The following KALRN variants were observed in gnomAD, a reference collection of about 807,000 sequenced individuals.
KALRN encodes the protein kalirin.
Under a neutral mutation model 353.7 loss-of-function variants are expected in KALRN, and 70 were observed. The ratio of observed to expected loss-of-function variants is 0.20; its 90% CI spans 0.16 to 0.24. The LOEUF (loss-of-function observed/expected upper bound fraction) is 0.24, where lower values mean the gene tolerates loss of function less well. Ranked by LOEUF, KALRN falls within the 10% of genes least tolerant of loss-of-function variation. The pLI is 1.00. For synonymous variants in KALRN, 1,391 were observed against 1,434.8 expected (o/e 0.97, Z 0.69); for missense variants, 2,791 against 3,756.7 (o/e 0.74, Z 6.72).
intron 1 of KALRN, among the ~76,000 whole-genome samples, chr3:124,086,309 TTGTGTGTGTGTG>T (rs59443298): frequency 9.9e-4 from 140 of 141,860 alleles, no homozygotes; most frequent in African/African-American, 3.1e-3. Context: ...GGTTGTTTTG[TTGTGTGTGTGTG>T]TGTGTGTGTG....
intron 5 of KALRN, among the ~76,000 whole-genome samples, chr3:124,277,698 A>G (rs1391932658): frequency 6.6e-6 from 1 of 152,116 alleles, no homozygotes; most frequent in Non-Finnish European, 1.5e-5. Context: ...GTGGGTGTGG[A>G]GAACAGAATG....
chr3:124,065,741 A>G (rs1462443222), intron 1 of KALRN, among the ~76,000 whole-genome samples: 2 of 152,044 alleles, frequency 1.3e-5, no homozygotes, highest in Non-Finnish European at 2.9e-5. Context: ...TTAAAATGAG[A>G]TGAGATAATA....
intron 1 of KALRN, among the ~76,000 whole-genome samples, chr3:124,179,321 T>C (rs1040102274): frequency 2.0e-5 from 3 of 152,068 alleles, no homozygotes; most frequent in African/African-American, 7.2e-5. Context: ...TACACAAACA[T>C]ATTAGCCTAG....
chr3:124,348,081 G>A (rs1035160583), intron 10 of KALRN, among the ~76,000 whole-genome samples: 12 of 152,072 alleles, frequency 7.9e-5, no homozygotes, highest in Admixed American at 1.3e-4. Context: ...TTTCATTTTC[G>A]AGATGAAATA....
intron 5 of KALRN, among the ~76,000 whole-genome samples, chr3:124,280,692 A>G (rs1560448188): frequency 6.6e-6 from 1 of 152,196 alleles, no homozygotes; most frequent in Non-Finnish European, 1.5e-5. Flanking sequence ...TTGCCCACCC[A>G]GAGAATGATG....
intron 33 of KALRN, among the ~76,000 whole-genome samples, chr3:124,535,466 T>G (rs938433738): frequency 2.6e-5 from 4 of 152,234 alleles, no homozygotes; most frequent in African/African-American, 9.6e-5. Context: ...TTCAGTCTGC[T>G]TCAATCTGTC....
chr3:124,472,573 A>ATGTGTG (rs1257799609), intron 25 of KALRN, among the ~76,000 whole-genome samples: 1 of 97,362 alleles, frequency 1.0e-5, no homozygotes, highest in Non-Finnish European at 2.1e-5. Context: ...GTGTGTGTGT[A>ATGTGTG]TATGTGTGTG....
chr3:124,286,130 T>TCTTTCTTTC, intron 5 of KALRN, among the ~76,000 whole-genome samples: 1 of 149,412 alleles, frequency 6.7e-6, no homozygotes, highest in South Asian at 2.1e-4. Context: ...TTTCTTTCTT[T>TCTTTCTTTC]CTTTCTTTCC....
chr3:124,603,109 G>A (rs2076981637), intron 34 of KALRN, among the ~76,000 whole-genome samples: 1 of 152,130 alleles, frequency 6.6e-6, no homozygotes, highest in South Asian at 2.1e-4. Context: ...TAAACCCTCT[G>A]CCGCCAAAGC....
chr3:124,574,857 G>A (rs1210337804), intron 34 of KALRN, among the ~76,000 whole-genome samples: 1 of 152,220 alleles, frequency 6.6e-6, no homozygotes, highest in Non-Finnish European at 1.5e-5. Flanking sequence ...GGACCTCAAA[G>A]GCCTTGAGGA....
chr3:124,603,696 T>A (rs2077039693), intron 34 of KALRN, among the ~76,000 whole-genome samples: 2 of 152,184 alleles, frequency 1.3e-5, no homozygotes, highest in African/African-American at 2.4e-5. Context: ...AAAATGTGTG[T>A]CCTTGCTTTG....
intron 1 of KALRN, among the ~76,000 whole-genome samples, chr3:124,102,505 A>C (rs2061959336): frequency 6.6e-6 from 1 of 152,178 alleles, no homozygotes; most frequent in Non-Finnish European, 1.5e-5. Context: ...TCTGTAATTC[A>C]CAATGTGCTC....
chr3:124,247,016 C>T (rs965617889), intron 3 of KALRN, among the ~76,000 whole-genome samples: 4 of 152,120 alleles, frequency 2.6e-5, no homozygotes, highest in Non-Finnish European at 4.4e-5. Context: ...TTCTATTTCT[C>T]TCTTTACTTA....
At chr3:124,358,138 C>A (rs2083623860) in intron 10 of KALRN, among the ~76,000 whole-genome samples, 1 of 152,122 alleles carries the variant, frequency 6.6e-6, no homozygotes, top group Admixed American at 6.5e-5. Context: ...TCTTTTGAGT[C>A]AAATTTTGAG....
chr3:124,671,707 G>A lies in KALRN; in HGVS notation c.6751G>A (p.Val2251Met). Residue 2251 changes from valine to methionine, a missense_variant, in exon 48 of 60, where the codon GTG becomes ATG. Around this residue, in one of 11 missense-constraint regions of KALRN, gnomAD observed 1,065 missense variants for 1,156.4 expected, o/e 0.92. Transcript: ENST00000682506. ...TCAACGGAAAGAAAGGAGCACAGCT[G>A]TGATGAGGTCTCAACCTGCCAGGCT... ...EYQRKERSTA[V>M]MRSQPARLPQ... The A allele has an allele frequency of 6.2e-7, 1 of 1,614,144 alleles. No homozygotes were observed. The highest frequency in any genetic ancestry group is 8.5e-7 in the Non-Finnish European group (1 of 1,180,008).
At chr3:124,106,988 A>C (rs921599418) in intron 1 of KALRN, among the ~76,000 whole-genome samples, 12 of 152,154 alleles carry the variant, frequency 7.9e-5, no homozygotes. Context: ...TATCACTATG[A>C]AAAATAAGCT....
intron 1 of KALRN, among the ~76,000 whole-genome samples, chr3:124,171,489 G>A (rs1395298296): frequency 6.6e-6 from 1 of 152,172 alleles, no homozygotes; most frequent in Non-Finnish European, 1.5e-5. Flanking sequence ...GAACGAGAGC[G>A]GAAGCTGCAA....
chr3:124,575,391 G>A (rs1027213334), intron 34 of KALRN, among the ~76,000 whole-genome samples: 8 of 152,210 alleles, frequency 5.3e-5, no homozygotes, highest in African/African-American at 1.9e-4. Context: ...AGTGTCTCCT[G>A]TCTCATTTCC....
chr3:124,257,711 G>A (rs2072233510), intron 3 of KALRN, among the ~76,000 whole-genome samples: 1 of 152,228 alleles, frequency 6.6e-6, no homozygotes, highest in Admixed American at 6.5e-5. Flanking sequence ...ATAGGGCAGG[G>A]TGAGCACAGG....
Sources: allele counts gnomAD v4.1 joint callset (sites outside exome capture counted in the v4.1 genomes callset), GRCh38; gene constraint gnomAD v4.1.1; regional missense constraint gnomAD v4.1.1; transcripts MANE v1.5; gene names NCBI Gene and HGNC (gene_info 2026-07-23, HGNC 2026-07-21).